TRAPPC9: variants seen among roughly 807,000 people sequenced by gnomAD.
TRAPPC9 encodes IKK2 binding protein.
TRAPPC9 carries 83 observed loss-of-function variants against 124.0 expected under a neutral mutation model. The ratio of observed to expected loss-of-function variants is 0.67; its 90% CI spans 0.56 to 0.80. The LOEUF is 0.80. Among genes scored for constraint, TRAPPC9 ranks in the 30% least tolerant of loss-of-function variants. The probability of loss-of-function intolerance (pLI) is 0.00; values close to 1 mark genes in which losing one functional copy is unlikely to be tolerated. For synonymous variants in TRAPPC9, 638 were observed against 617.5 expected (o/e 1.03, Z -0.49); for missense variants, 1,302 against 1,508.3 (o/e 0.86, Z 2.27).
In TRAPPC9 at chr8:140,152,839, T is replaced by C. The variant is rs79934657; in HGVS notation, c.2556+68620A>G. Among the ~76,000 whole-genome samples, 471 of 152,330 alleles carry C rather than the reference T, an allele frequency of 3.1e-3. 21 individuals are homozygous for C. In the East Asian group the frequency reaches 0.082, roughly 26 times the overall value. On this transcript the variant is annotated intron_variant, in intron 17 of 22. Coordinates refer to ENST00000438773, the MANE Select transcript of TRAPPC9 (RefSeq NM_001160372.4). ...AATTATTTTGCTATTTTTGAGGTGA[T>C]TTGACTTCCTCCTTTCCAACCTGGA...
chr8:139,824,488 T>G (rs938091047), intron 21 of TRAPPC9, among the ~76,000 whole-genome samples: 2 of 152,224 alleles, frequency 1.3e-5, no homozygotes, highest in Non-Finnish European at 2.9e-5. Context: ...TTCCAAAGGA[T>G]GCTCCATGGG....
At chr8:140,289,759 C>A (rs777904353) in intron 12 of TRAPPC9, among the ~76,000 whole-genome samples, 1 of 152,192 alleles carries the variant, frequency 6.6e-6, no homozygotes. Flanking sequence ...CTCTAAACTG[C>A]TTCTCCCTAC....
chr8:140,098,768 C>G (rs886521702), intron 17 of TRAPPC9: 2 of 151,914 alleles, frequency 1.3e-5, no homozygotes, highest in African/African-American at 4.8e-5. Flanking sequence ...TCCTGCTATG[C>G]ACAAAGTAAT....
intron 17 of TRAPPC9, among the ~76,000 whole-genome samples, chr8:140,051,056 A>G (rs1587596700): frequency 6.6e-6 from 1 of 152,248 alleles, no homozygotes; most frequent in East Asian, 1.9e-4. Context: ...CATTCCGTAC[A>G]AGGAATTAAC....
At chr8:139,831,120 G>C (rs529444207) in intron 21 of TRAPPC9, among the ~76,000 whole-genome samples, 1 of 152,336 alleles carries the variant, frequency 6.6e-6, no homozygotes, top group Non-Finnish European at 1.5e-5. Context: ...GGGCAAACAG[G>C]AGAGAGGGCT....
chr8:140,129,054 G>A (rs1353638053), intron 17 of TRAPPC9, among the ~76,000 whole-genome samples: 2 of 150,098 alleles, frequency 1.3e-5, no homozygotes, highest in Non-Finnish European at 3.0e-5. Context: ...CTCTGCCAAT[G>A]AGGTTGATTT....
rs188557355 is a variant in TRAPPC9, at chr8:139,942,148, C to T, written c.2811-31848G>A. ...GACGGATATGAGAACACTTTGTGGA[C>T]GGTGACTCGGGATGGTAATAACAGG... On this transcript the variant is annotated intron_variant, in intron 19 of 22. Transcript: ENST00000438773. 5.3e-5 allele frequency among the ~76,000 whole-genome samples: 8 copies of T among 152,298 alleles called. No homozygotes were observed. In the East Asian group the frequency reaches 7.7e-4, roughly 15 times the overall value.
At chr8:140,398,538 CTT>C (rs1456294653) in intron 6 of TRAPPC9, among the ~76,000 whole-genome samples, 3 of 152,184 alleles carry the variant, frequency 2.0e-5, no homozygotes, top group African/African-American at 7.2e-5. Context: ...AAAGGTGACT[CTT>C]GTTACGTTTT....
intron 5 of TRAPPC9, among the ~76,000 whole-genome samples, chr8:140,422,042 G>A (rs2070233738): frequency 7.4e-6 from 1 of 135,024 alleles, no homozygotes; most frequent in African/African-American, 2.7e-5. Context: ...ATAGTTTTCA[G>A]TAAATGATTC....
intron 9 of TRAPPC9, among the ~76,000 whole-genome samples, chr8:140,348,233 A>C (rs1376846853): frequency 1.3e-5 from 2 of 152,242 alleles, no homozygotes. Context: ...GCAGGACACC[A>C]TCTGCCCCAT....
chr8:140,274,353 G>A (rs2065050625), intron 15 of TRAPPC9, among the ~76,000 whole-genome samples: 1 of 152,212 alleles, frequency 6.6e-6, no homozygotes, highest in African/African-American at 2.4e-5. Flanking sequence ...TCCTGAGCAA[G>A]AACACAAGGT....
chr8:139,826,071 G>A (rs1199100922), intron 21 of TRAPPC9, among the ~76,000 whole-genome samples: 3 of 152,198 alleles, frequency 2.0e-5, no homozygotes, highest in African/African-American at 7.2e-5. Flanking sequence ...GGTCTTCCTG[G>A]CCAGGTCTGA....
intron 21 of TRAPPC9, among the ~76,000 whole-genome samples, chr8:139,863,215 G>A (rs11781427): frequency 0.1 from 15,289 of 152,306 alleles, 844 homozygotes; most frequent in East Asian, 0.24. Flanking sequence ...GTCCTAGCAT[G>A]GTGCCTGATG....
At chr8:140,218,638 A>G (rs1431567464) in intron 17 of TRAPPC9, among the ~76,000 whole-genome samples, 1 of 151,914 alleles carries the variant, frequency 6.6e-6, no homozygotes, top group Non-Finnish European at 1.5e-5. Flanking sequence ...AGAGGGTGGA[A>G]AACACATGTC....
intron 17 of TRAPPC9, among the ~76,000 whole-genome samples, chr8:140,161,591 C>A (rs1282492115): frequency 6.6e-6 from 1 of 152,122 alleles, no homozygotes; most frequent in Non-Finnish European, 1.5e-5. Flanking sequence ...GTCTTGACTG[C>A]ATTTTGACTG....
intron 17 of TRAPPC9, among the ~76,000 whole-genome samples, chr8:140,193,947 A>G (rs557568345): frequency 6.6e-6 from 1 of 152,374 alleles, no homozygotes; most frequent in Non-Finnish European, 1.5e-5. Flanking sequence ...ACAAGGCAAC[A>G]TTCTGGGAAA....
At chr8:140,040,385 A>C (rs1296067764) in intron 17 of TRAPPC9, 1 of 152,242 alleles carries the variant, frequency 6.6e-6, no homozygotes, top group African/African-American at 2.4e-5. Context: ...CTCTGAGCTT[A>C]ATAGGAGCAC....
At chr8:139,836,885 A>G (rs116674479) in intron 21 of TRAPPC9, among the ~76,000 whole-genome samples, 2,185 of 152,214 alleles carry the variant, frequency 0.014, 46 homozygotes, top group African/African-American at 0.049. Flanking sequence ...CATCACCTCC[A>G]GGGAGGTCAG....
intron 21 of TRAPPC9, among the ~76,000 whole-genome samples, chr8:139,816,410 G>A (rs1824837189): frequency 6.6e-6 from 1 of 152,238 alleles, no homozygotes; most frequent in Non-Finnish European, 1.5e-5. Flanking sequence ...TGCAGATTTA[G>A]AGCAATGCTG....
Sources: allele counts gnomAD v4.1 joint callset (sites outside exome capture counted in the v4.1 genomes callset), GRCh38; gene constraint gnomAD v4.1.1; transcripts MANE v1.5; gene names NCBI Gene and HGNC (gene_info 2026-07-23, HGNC 2026-07-21).